Variants in EPB41L2 observed in about 807,000 individuals in gnomAD.
EPB41L2 encodes band 4.1-like protein 2.
EPB41L2 carries 43 observed loss-of-function variants against 113.0 expected under a neutral mutation model. That is an observed-to-expected ratio of 0.38 (90% CI 0.30 to 0.49). The LOEUF (loss-of-function observed/expected upper bound fraction) is 0.49. Ranked by LOEUF, EPB41L2 falls within the 20% of genes least tolerant of loss-of-function variation. The pLI is 0.95. For synonymous variants in EPB41L2, 442 were observed against 436.7 expected (o/e 1.01, Z -0.15); for missense variants, 1,147 against 1,223.4 (o/e 0.94, Z 0.93).
chr6:130,862,699 TAC>T (rs1782540637), intron 18 of EPB41L2, among the ~76,000 whole-genome samples: 1 of 152,162 alleles, frequency 6.6e-6, no homozygotes, highest in East Asian at 1.9e-4. Flanking sequence ...AAATCATACT[TAC>T]AAAGGTCAAA....
chr6:131,007,958 C>G (rs1302490398), intron 1 of EPB41L2, among the ~76,000 whole-genome samples: 1 of 152,198 alleles, frequency 6.6e-6, no homozygotes, highest in East Asian at 1.9e-4. Context: ...GGAAAATTTG[C>G]AGCCTGACAA....
intron 1 of EPB41L2, among the ~76,000 whole-genome samples, chr6:131,045,372 A>ATATTTAATATTTAAATATTCATTTAAT (rs1554351918): frequency 1.3e-3 from 197 of 151,938 alleles, no homozygotes; most frequent in Non-Finnish European, 2.1e-3. Context: ...TTCATTTAAA[A>ATATTTAATATTTAAATATTCATTTAAT]ATGATGAGAT....
chr6:130,873,089 C>G (rs1039794202), intron 14 of EPB41L2, among the ~76,000 whole-genome samples: 1 of 152,180 alleles, frequency 6.6e-6, no homozygotes, highest in African/African-American at 2.4e-5. Flanking sequence ...TCAATACCAC[C>G]TTAACTCTCT....
intron 4 of EPB41L2, among the ~76,000 whole-genome samples, chr6:130,923,479 C>A (rs1422910055): frequency 6.6e-6 from 1 of 152,180 alleles, no homozygotes; most frequent in Non-Finnish European, 1.5e-5. Context: ...CCCTTACTAA[C>A]CCACACCAGG....
intron 1 of EPB41L2, among the ~76,000 whole-genome samples, chr6:131,048,548 A>AAGGGGAGC (rs1562798335): frequency 6.6e-6 from 1 of 152,336 alleles, no homozygotes; most frequent in East Asian, 1.9e-4. Context: ...ATGCCAAGAA[A>AAGGGGAGC]AGGGGAGCAG....
chr6:130,963,903 T>G (rs1774274020), intron 1 of EPB41L2, among the ~76,000 whole-genome samples: 1 of 152,236 alleles, frequency 6.6e-6, no homozygotes. Flanking sequence ...CAATCAATTA[T>G]GCACACTGAG....
At chr6:130,947,024 C>CCT (rs1554291516) in intron 3 of EPB41L2, among the ~76,000 whole-genome samples, 1 of 143,764 alleles carries the variant, frequency 7.0e-6, no homozygotes, top group African/African-American at 2.7e-5. Flanking sequence ...AAGACCCCCC[C>CCT]CCCAGCCCCT....
chr6:130,853,364 ACAC>A (rs1245218896), intron 19 of EPB41L2, among the ~76,000 whole-genome samples: 2 of 152,142 alleles, frequency 1.3e-5, no homozygotes, highest in African/African-American at 4.8e-5. Flanking sequence ...CACACAGATC[ACAC>A]CACCAAGCCT....
At chr6:130,948,381 G>C (rs570536877) in intron 3 of EPB41L2, among the ~76,000 whole-genome samples, 1 of 152,052 alleles carries the variant, frequency 6.6e-6, no homozygotes, top group African/African-American at 2.4e-5. Context: ...AACGAGATCC[G>C]AGATCTACGA....
chr6:131,055,459 A>C (rs1797407769), intron 1 of EPB41L2, among the ~76,000 whole-genome samples: 1 of 152,174 alleles, frequency 6.6e-6, no homozygotes, highest in Non-Finnish European at 1.5e-5. Flanking sequence ...CACACAACTA[A>C]AAGTAGTACT....
chr6:130,842,297 A>G (rs5880037), intron 19 of EPB41L2, among the ~76,000 whole-genome samples: 1 of 13,834 alleles, frequency 7.2e-5, no homozygotes, highest in African/African-American at 4.2e-4. Context: ...AGGCTGGGGG[A>G]AAAAAAAATC....
At position 130,956,106 on chromosome 6, in the gene EPB41L2, C is replaced by A. The variant is rs1481492813; in HGVS notation, c.380G>T (p.Gly127Val). 14 of 1,614,006 alleles carry A rather than the reference C, an allele frequency of 8.7e-6. No individual in the cohort carries two copies. Among genetic ancestry groups the A allele is most frequent in the Non-Finnish European group, 1.1e-5 (13 of 1,180,044 alleles). ...PLPEEQRQAK[G>V]DAEEMAQKKQ... ...CTTCTGAGCCATTTCTTCAGCATCA[C>A]CCTTAGCCTGTCTCTGTTCTTCTGG... The change falls in exon 2 of 20, where the codon GGT (glycine) becomes GTT (valine). Residue 127 changes from glycine to valine, a missense_variant. Coordinates refer to ENST00000337057, the MANE Select transcript of EPB41L2 (RefSeq NM_001431.4).
chr6:130,938,532 C>CA (rs1809685817), intron 3 of EPB41L2, among the ~76,000 whole-genome samples: 1 of 152,080 alleles, frequency 6.6e-6, no homozygotes. Flanking sequence ...CAGAAAGAAC[C>CA]TAGAATTCAG....
chr6:130,918,958 G>A (rs1289381144), intron 4 of EPB41L2, among the ~76,000 whole-genome samples: 3 of 152,132 alleles, frequency 2.0e-5, no homozygotes, highest in Non-Finnish European at 4.4e-5. Context: ...TATAGTGGAA[G>A]AATAAGAGTT....
chr6:130,885,144 T>A lies in EPB41L2; in HGVS notation c.1785A>T (p.Glu595Asp), dbSNP rs776097407. ...AVVQDGDGRR[E>D]VRSPTKAPHL... ...GTGGGGCTTTAGTTGGGCTTCTCACTTCCCTCCTGCCGTCCCCATCTTGTA... is the reference window on the plus strand; with the variant it reads ...GTGGGGCTTTAGTTGGGCTTCTCACATCCCTCCTGCCGTCCCCATCTTGTA... Residue 595 changes from glutamate to aspartate, a missense_variant, in exon 12 of 20, where the codon GAA becomes GAT. Transcript: ENST00000337057. 1 of 1,614,170 alleles carries A rather than the reference T, an allele frequency of 6.2e-7. No homozygotes were observed. The highest frequency in any genetic ancestry group is 1.1e-5 in the South Asian group (1 of 91,080).
chr6:130,888,662 GTA>G (rs1251169010), intron 11 of EPB41L2, among the ~76,000 whole-genome samples: 1 of 152,186 alleles, frequency 6.6e-6, no homozygotes, highest in African/African-American at 2.4e-5. Flanking sequence ...TTCGGCACTT[GTA>G]TAAATTCTCT....
At chr6:130,993,229 G>A (rs1367149549) in intron 1 of EPB41L2, among the ~76,000 whole-genome samples, 2 of 152,018 alleles carry the variant, frequency 1.3e-5, no homozygotes, top group Admixed American at 6.5e-5. Flanking sequence ...AGGTGTTACC[G>A]CACAGAGAGA....
intron 1 of EPB41L2, among the ~76,000 whole-genome samples, chr6:131,040,319 A>C (rs1794203397): frequency 6.6e-6 from 1 of 152,138 alleles, no homozygotes; most frequent in South Asian, 2.1e-4. Flanking sequence ...CGCACCTGTA[A>C]TCCCAGCTGC....
chr6:130,856,804 C>G (rs899075541), intron 19 of EPB41L2, among the ~76,000 whole-genome samples: 1 of 152,094 alleles, frequency 6.6e-6, no homozygotes, highest in Admixed American at 6.6e-5. Flanking sequence ...AAACATTTAC[C>G]CACTTCATCA....
Sources: gnomAD v4.1 joint callset for allele counts (sites outside exome capture counted in the v4.1 genomes callset) on GRCh38, gnomAD v4.1.1 for gene constraint, MANE v1.5 for transcripts, NCBI Gene and HGNC (gene_info 2026-07-23, HGNC 2026-07-21) for gene names.